Variants in KLRG1 observed in about 807,000 individuals in gnomAD.
KLRG1 encodes killer cell lectin like receptor G1, also known as killer cell lectin-like receptor subfamily G member 1.
A neutral mutation model predicts 21.8 loss-of-function variants in KLRG1; 16 were observed. That is an observed-to-expected ratio of 0.73 (90% confidence interval 0.50 to 1.11). KLRG1 has a LOEUF of 1.11. KLRG1 is among the 50% of genes most tolerant of loss of function. The pLI is 0.00. For synonymous variants in KLRG1, 69 were observed against 75.9 expected, an observed-to-expected ratio of 0.91 and a Z score of 0.47; for missense variants, 173 against 218.3, an observed-to-expected ratio of 0.79 and a Z score of 1.31.
the KLRG1 span, chr12:9,157,418 C>G: frequency 6.9e-7 from 1 of 1,444,488 alleles, no homozygotes; most frequent in Non-Finnish European, 9.5e-7. Flanking sequence ...AAGCTGAGAG[C>G]TGGATATTGA....
intron 1 of KLRG1, 103 bp downstream of exon 1, chr12:8,989,820 G>T: frequency 1.4e-6 from 1 of 693,228 alleles, no homozygotes; most frequent in East Asian, 2.6e-5. Context: ...GAAGAATTGA[G>T]GATAATTTGA....
chr12:9,202,337 A>C, the KLRG1 span: 1 of 1,614,134 alleles, frequency 6.2e-7, no homozygotes, highest in Admixed American at 1.7e-5. Context: ...TTCGAGGGCG[A>C]AAATTTTCAT....
chr12:9,166,226 G>A, the KLRG1 span: 1 of 1,604,488 alleles, frequency 6.2e-7, no homozygotes. Flanking sequence ...AAATTGTCTA[G>A]TTAGGGAAAA....
At chr12:9,003,567 A>G (rs1225559956) in intron 3 of KLRG1, among the ~76,000 whole-genome samples, 1 of 152,102 alleles carries the variant, frequency 6.6e-6, no homozygotes, top group Non-Finnish European at 1.5e-5. Flanking sequence ...TGAAAATTAC[A>G]GTGTCATTTC....
the KLRG1 span, among the ~76,000 whole-genome samples, chr12:9,100,156 A>G: frequency 6.6e-6 from 1 of 152,212 alleles, no homozygotes; most frequent in Non-Finnish European, 1.5e-5. Flanking sequence ...AGTCCGCTTC[A>G]GTCGGTAGAA....
At chr12:9,017,488 A>G in the KLRG1 span, among the ~76,000 whole-genome samples, 2 of 152,190 alleles carry the variant, frequency 1.3e-5, no homozygotes, top group Non-Finnish European at 2.9e-5. Context: ...GTGATACATC[A>G]TATCAACAGA....
the KLRG1 span, among the ~76,000 whole-genome samples, chr12:9,022,785 A>G: frequency 3.3e-5 from 5 of 152,180 alleles, no homozygotes; most frequent in Non-Finnish European, 5.9e-5. Flanking sequence ...GAGTTGATCA[A>G]TGGCCATCAA....
At chr12:9,128,429 A>AAAACCG in the KLRG1 span, 1 of 153,236 alleles carries the variant, frequency 6.5e-6, no homozygotes, top group Admixed American at 6.5e-5. Flanking sequence ...GCTCAGCATG[A>AAAACCG]AAACCGCATT....
chr12:9,060,922 A>G, the KLRG1 span, among the ~76,000 whole-genome samples: 134 of 152,294 alleles, frequency 8.8e-4, no homozygotes, highest in Non-Finnish European at 1.6e-3. Flanking sequence ...GGTTACTCGA[A>G]TATGATTTTG....
At chr12:8,971,036 G>A (rs753305819) in intron 1 of KLRG1, 2 of 152,178 alleles carry the variant, frequency 1.3e-5, no homozygotes, top group South Asian at 4.1e-4. Context: ...AATCTTGAAG[G>A]CGGAGCGTCT....
At chr12:9,056,967 A>G in the KLRG1 span, among the ~76,000 whole-genome samples, 1 of 152,146 alleles carries the variant, frequency 6.6e-6, no homozygotes, top group Non-Finnish European at 1.5e-5. Flanking sequence ...GCATTGCTAT[A>G]TTATCTTTTT....
At chr12:9,192,820 C>T in the KLRG1 span, 69 of 931,138 alleles carry the variant, frequency 7.4e-5, no homozygotes, top group Admixed American at 4.5e-4. Flanking sequence ...ATAGTTACAA[C>T]GGTGTCTTCC....
At chr12:9,208,429 C>A in the KLRG1 span, 11 of 1,001,282 alleles carry the variant, frequency 1.1e-5, no homozygotes, top group Non-Finnish European at 1.7e-5. Flanking sequence ...CTTTATGTGG[C>A]CACTATGTAC....
At chr12:9,054,212 T>A in the KLRG1 span, among the ~76,000 whole-genome samples, 1 of 152,244 alleles carries the variant, frequency 6.6e-6, no homozygotes, top group African/African-American at 2.4e-5. Context: ...TTGTTTTTAT[T>A]TATTTATCAT....
At chr12:9,168,796 C>T in the KLRG1 span, 4 of 1,143,124 alleles carry the variant, frequency 3.5e-6, no homozygotes, top group Non-Finnish European at 5.2e-6. Flanking sequence ...GGCTACATTA[C>T]CTCATTTTAG....
chr12:9,103,876 G>T, the KLRG1 span, among the ~76,000 whole-genome samples: 3 of 152,174 alleles, frequency 2.0e-5, no homozygotes, highest in Admixed American at 2.0e-4. Flanking sequence ...ATGAACACGG[G>T]TGTGCAAATA....
At chr12:9,098,808 G>T in the KLRG1 span, 2 of 1,580,078 alleles carry the variant, frequency 1.3e-6, no homozygotes, top group African/African-American at 1.3e-5. Flanking sequence ...GTTTACCCAT[G>T]CATTCACTCG....
At chr12:9,206,967 A>G in the KLRG1 span, among the ~76,000 whole-genome samples, 2 of 152,106 alleles carry the variant, frequency 1.3e-5, no homozygotes, top group Admixed American at 1.3e-4. Flanking sequence ...CTGGATGGAG[A>G]GCAGCTGGAA....
chr12:9,083,446 TA>T, the KLRG1 span, among the ~76,000 whole-genome samples: 2 of 148,398 alleles, frequency 1.3e-5, no homozygotes, highest in Non-Finnish European at 3.0e-5. Context: ...AAATAAAAAA[TA>T]AATAGAAACA....
Sources: allele counts gnomAD v4.1 joint callset (sites outside exome capture counted in the v4.1 genomes callset), GRCh38; gene constraint gnomAD v4.1.1; transcripts MANE v1.5; gene names NCBI Gene and HGNC (gene_info 2026-07-23, HGNC 2026-07-21).